The following NUBPL variants were observed in gnomAD, a reference collection of about 807,000 sequenced individuals.
NUBPL encodes the protein NUBP iron-sulfur cluster assembly factor, mitochondrial, also known as iron-sulfur cluster transfer protein NUBPL.
In NUBPL, 31 loss-of-function variants were observed where a neutral mutation model predicts 45.7. That is an observed-to-expected ratio of 0.68 (90% CI 0.51 to 0.92). The LOEUF (loss-of-function observed/expected upper bound fraction) is 0.92, where lower values mean the gene tolerates loss of function less well. Among genes scored for constraint, NUBPL ranks in the 40% least tolerant of loss-of-function variants. The probability of loss-of-function intolerance (pLI) is 0.00; values close to 1 mark genes in which losing one functional copy is unlikely to be tolerated. For synonymous variants in NUBPL, 144 were observed against 140.9 expected (o/e 1.02, Z -0.15); for missense variants, 401 against 398.7 (o/e 1.01, Z -0.05).
At chr14:31,599,092 T>C in intron 3 of NUBPL, 197 bp from the exon 4 acceptor site, 1 of 607,172 alleles carries the variant, frequency 1.6e-6, no homozygotes, top group Non-Finnish European at 2.9e-6. Context: ...TCGTAAAAAG[T>C]ATTGACCCTA....
chr14:31,705,623 G>A (rs551850060), intron 6 of NUBPL, among the ~76,000 whole-genome samples: 90 of 151,494 alleles, frequency 5.9e-4, no homozygotes, highest in Non-Finnish European at 8.2e-4. Flanking sequence ...TGATTGGTGC[G>A]TTTACAAACC....
intron 4 of NUBPL, among the ~76,000 whole-genome samples, chr14:31,606,164 A>T (rs866696971): frequency 1.5e-4 from 22 of 146,616 alleles, no homozygotes; most frequent in African/African-American, 5.3e-4. Context: ...TGCCATCATA[A>T]CTCACTGCAG....
At chr14:31,829,054 T>A (rs1248759091) in intron 8 of NUBPL, among the ~76,000 whole-genome samples, 1 of 152,140 alleles carries the variant, frequency 6.6e-6, no homozygotes, top group Non-Finnish European at 1.5e-5. Context: ...AAAGAGCTGT[T>A]TGGGATCAGA....
intron 4 of NUBPL, among the ~76,000 whole-genome samples, chr14:31,669,688 C>T (rs1057497235): frequency 6.6e-6 from 1 of 151,742 alleles, no homozygotes; most frequent in Admixed American, 6.6e-5. Flanking sequence ...TCATTTAGTT[C>T]CCACTTGTAA....
At chr14:31,704,730 A>C (rs552145078) in intron 6 of NUBPL, among the ~76,000 whole-genome samples, 3 of 152,098 alleles carry the variant, frequency 2.0e-5, no homozygotes, top group Non-Finnish European at 4.4e-5. Context: ...CACTTGTTAA[A>C]GATGTTGGCA....
At chr14:31,732,796 G>C (rs2038081228) in intron 6 of NUBPL, among the ~76,000 whole-genome samples, 1 of 151,926 alleles carries the variant, frequency 6.6e-6, no homozygotes, top group Admixed American at 6.6e-5. Context: ...ATTTTTAGTA[G>C]AGACAGAGTT....
rs1304425796 is a variant in NUBPL, at chr14:31,564,568, C to G, written c.257-446C>G. ...GTGGTGCCCACCTGTGGTCCCAACTCCAGCCTGGGGGACAGAGCATAGTAA... is the reference window on the plus strand; with the variant it reads ...GTGGTGCCCACCTGTGGTCCCAACTGCAGCCTGGGGGACAGAGCATAGTAA... On this transcript the variant is annotated intron_variant, in intron 2 of 10. Transcript: ENST00000281081. 2.0e-5 allele frequency among the ~76,000 whole-genome samples: 3 copies of G among 150,680 alleles called. No homozygotes were observed. In the East Asian group the frequency reaches 5.8e-4, roughly 29 times the overall value.
intron 4 of NUBPL, among the ~76,000 whole-genome samples, chr14:31,608,181 CCAGA>C (rs1161027257): frequency 6.6e-6 from 1 of 152,062 alleles, no homozygotes; most frequent in Non-Finnish European, 1.5e-5. Flanking sequence ...AAAGACTTTC[CCAGA>C]CAAACAAAAG....
At chr14:31,570,482 A>G (rs2033553146) in intron 3 of NUBPL, among the ~76,000 whole-genome samples, 1 of 152,212 alleles carries the variant, frequency 6.6e-6, no homozygotes, top group Non-Finnish European at 1.5e-5. Flanking sequence ...AGAGTAAAGC[A>G]GTATTGTTTT....
intron 3 of NUBPL, among the ~76,000 whole-genome samples, chr14:31,586,952 T>G (rs1190001338): frequency 1.3e-5 from 2 of 152,228 alleles, no homozygotes; most frequent in Non-Finnish European, 2.9e-5. Flanking sequence ...TGTCACTTAC[T>G]TGAATCTAAC....
chr14:31,595,041 A>G (rs533033503), intron 3 of NUBPL, among the ~76,000 whole-genome samples: 1 of 152,242 alleles, frequency 6.6e-6, no homozygotes, highest in Non-Finnish European at 1.5e-5. Flanking sequence ...TTACAATCTT[A>G]TTTAGTATAA....
intron 3 of NUBPL, among the ~76,000 whole-genome samples, chr14:31,589,569 T>A (rs2034087916): frequency 6.6e-6 from 1 of 152,120 alleles, no homozygotes; most frequent in African/African-American, 2.4e-5. Flanking sequence ...TTTTAAAAAA[T>A]TAAATGTATA....
chr14:31,827,318 T>C (rs2040121372), intron 8 of NUBPL, among the ~76,000 whole-genome samples: 1 of 149,294 alleles, frequency 6.7e-6, no homozygotes, highest in South Asian at 2.2e-4. Context: ...AGAAAAATAG[T>C]ACCATTATAA....
chr14:31,780,849 A>G (rs554297184), intron 6 of NUBPL, among the ~76,000 whole-genome samples: 2 of 152,338 alleles, frequency 1.3e-5, no homozygotes, highest in African/African-American at 4.8e-5. Flanking sequence ...ATACCCCAAC[A>G]TATCCGAATT....
intron 4 of NUBPL, among the ~76,000 whole-genome samples, chr14:31,651,075 A>G (rs2035990849): frequency 6.6e-6 from 1 of 152,222 alleles, no homozygotes; most frequent in South Asian, 2.1e-4. Context: ...TCACATTTCA[A>G]CATGAGATTT....
intron 3 of NUBPL, among the ~76,000 whole-genome samples, chr14:31,580,296 AC>A (rs2033827051): frequency 1.3e-5 from 2 of 152,334 alleles, no homozygotes; most frequent in South Asian, 4.1e-4. Context: ...TATAATGGTT[AC>A]AAAAAATAAT....
chr14:31,598,464 G>A (rs1336928233), intron 3 of NUBPL, among the ~76,000 whole-genome samples: 3 of 152,006 alleles, frequency 2.0e-5, no homozygotes, highest in Non-Finnish European at 2.9e-5. Flanking sequence ...TTGTAGATGA[G>A]CAAAACCAGT....
At chr14:31,805,906 A>AT (rs938981157) in intron 7 of NUBPL, among the ~76,000 whole-genome samples, 24 of 148,948 alleles carry the variant, frequency 1.6e-4, no homozygotes, top group African/African-American at 5.0e-4. Flanking sequence ...CGAACCTAAA[A>AT]TAAAAATTAA....
At chr14:31,639,102 C>T (rs1372374040) in intron 4 of NUBPL, among the ~76,000 whole-genome samples, 6 of 152,212 alleles carry the variant, frequency 3.9e-5, no homozygotes, top group African/African-American at 1.4e-4. Flanking sequence ...AGTCATTCTC[C>T]GTCCAGCTTT....
Sources: allele counts gnomAD v4.1 joint callset (sites outside exome capture counted in the v4.1 genomes callset), GRCh38; gene constraint gnomAD v4.1.1; transcripts MANE v1.5; gene names NCBI Gene and HGNC (gene_info 2026-07-23, HGNC 2026-07-21).